FOCAD: variants seen among roughly 807,000 people sequenced by gnomAD.
FOCAD encodes focadhesin.
Under a neutral mutation model 225.6 loss-of-function variants are expected in FOCAD, and 198 were observed. That is an observed-to-expected ratio of 0.88 (90% CI 0.78 to 0.99). The LOEUF (loss-of-function observed/expected upper bound fraction) is 0.99, where lower values mean the gene tolerates loss of function less well. Among genes scored for constraint, FOCAD ranks in the 50% least tolerant of loss-of-function variants. FOCAD has a pLI of 0.00. For missense variants in FOCAD, 2,713 were observed against 2,123.6 expected (o/e 1.28, Z -5.46); for synonymous variants, 897 against 755.0 (o/e 1.19, Z -3.08).
At chr9:20,935,058 C>A (rs1835828880) in intron 28 of FOCAD, among the ~76,000 whole-genome samples, 1 of 152,130 alleles carries the variant, frequency 6.6e-6, no homozygotes, top group Non-Finnish European at 1.5e-5. Context: ...AAGCAGTCTA[C>A]ACATTCAGTG....
At chr9:20,961,217 C>A (rs923000852) in intron 35 of FOCAD, among the ~76,000 whole-genome samples, 3 of 151,878 alleles carry the variant, frequency 2.0e-5, no homozygotes, top group African/African-American at 7.3e-5. Context: ...CTCCCTCTCT[C>A]TCTCTGTGTT....
At chr9:20,921,394 G>A (rs540608349) in intron 24 of FOCAD, among the ~76,000 whole-genome samples, 1 of 152,176 alleles carries the variant, frequency 6.6e-6, no homozygotes, top group Non-Finnish European at 1.5e-5. Context: ...ATGCAAATTA[G>A]TCTCTCTTGT....
intron 39 of FOCAD, among the ~76,000 whole-genome samples, chr9:20,984,495 C>T (rs911797488): frequency 5.3e-5 from 8 of 151,942 alleles, no homozygotes; most frequent in Non-Finnish European, 1.2e-4. Context: ...TAATAAGAAA[C>T]CCATTATATA....
chr9:20,946,954 C>T (rs1437224186), intron 30 of FOCAD, 134 bp downstream of exon 30: 3 of 1,082,210 alleles, frequency 2.8e-6, no homozygotes. Flanking sequence ...TAACTATTCT[C>T]TTTTCTCACA....
chr9:20,769,987 T>C (rs749458393), intron 7 of FOCAD, 45 bp from the exon 8 acceptor site: 1 of 1,519,240 alleles, frequency 6.6e-7, no homozygotes, highest in Admixed American at 1.8e-5. Flanking sequence ...AATTATCTTT[T>C]GGTTTGTGTA....
At chr9:20,656,627 T>C (rs1297789560), upstream of FOCAD, among the ~76,000 whole-genome samples, 1 of 152,044 alleles carries the variant, frequency 6.6e-6, no homozygotes, top group Non-Finnish European at 1.5e-5. Flanking sequence ...TTCCATTTGC[T>C]TGGTAGAGCT....
At chr9:20,733,469 T>C (rs1484704170) in intron 4 of FOCAD, among the ~76,000 whole-genome samples, 1 of 152,162 alleles carries the variant, frequency 6.6e-6, no homozygotes, top group Non-Finnish European at 1.5e-5. Context: ...ACTCCTCTTT[T>C]AGCATTAGGT....
intron 11 of FOCAD, among the ~76,000 whole-genome samples, chr9:20,812,250 C>T (rs1056209861): frequency 6.6e-6 from 1 of 151,838 alleles, no homozygotes; most frequent in African/African-American, 2.4e-5. Flanking sequence ...ATAACTTTTT[C>T]TATTTATACT....
chr9:20,872,561 C>T (rs1829880387), intron 18 of FOCAD, among the ~76,000 whole-genome samples: 1 of 145,728 alleles, frequency 6.9e-6, no homozygotes, highest in Non-Finnish European at 1.5e-5. Flanking sequence ...TGCATGCCTA[C>T]ATACCTTCCT....
intron 14 of FOCAD, 67 bp downstream of exon 14, chr9:20,821,138 G>T: frequency 1.4e-6 from 2 of 1,462,390 alleles, no homozygotes; most frequent in Non-Finnish European, 1.8e-6. Flanking sequence ...TTTTTTAATT[G>T]CAAGCAAGAG....
chr9:20,817,727 A>G (rs1347956462), intron 11 of FOCAD, among the ~76,000 whole-genome samples: 1 of 151,126 alleles, frequency 6.6e-6, no homozygotes, highest in Non-Finnish European at 1.5e-5. Flanking sequence ...TACTTTATTT[A>G]TTTTTATGGC....
intron 15 of FOCAD, among the ~76,000 whole-genome samples, chr9:20,826,584 C>A (rs1485585545): frequency 2.0e-5 from 3 of 152,034 alleles, no homozygotes; most frequent in East Asian, 1.9e-4. Flanking sequence ...AATAAACTTC[C>A]CTTCATACAT....
At chr9:20,672,517 C>A (rs1822095722) in intron 2 of FOCAD, among the ~76,000 whole-genome samples, 1 of 152,230 alleles carries the variant, frequency 6.6e-6, no homozygotes, top group Non-Finnish European at 1.5e-5. Context: ...GTGGCGCAAT[C>A]TAGGCTCACT....
intron 1 of FOCAD, among the ~76,000 whole-genome samples, chr9:20,692,416 C>G (rs1000798089): frequency 1.3e-5 from 2 of 152,154 alleles, no homozygotes; most frequent in African/African-American, 4.8e-5. Context: ...TCACCCTAGT[C>G]TAAGCCCCCG....
At chr9:20,906,647 T>C (rs1018974972) in intron 21 of FOCAD, among the ~76,000 whole-genome samples, 1 of 152,122 alleles carries the variant, frequency 6.6e-6, no homozygotes, top group African/African-American at 2.4e-5. Context: ...AATTGCTGTG[T>C]GCAGTACTCA....
At chr9:20,883,478 T>G (rs1418118870) in intron 20 of FOCAD, among the ~76,000 whole-genome samples, 1 of 152,140 alleles carries the variant, frequency 6.6e-6, no homozygotes, top group African/African-American at 2.4e-5. Context: ...CATGGAAAAT[T>G]TACCAAAATG....
At chr9:20,769,592 T>A (rs546770950) in intron 7 of FOCAD, among the ~76,000 whole-genome samples, 1 of 152,248 alleles carries the variant, frequency 6.6e-6, no homozygotes, top group South Asian at 2.1e-4. Flanking sequence ...CCTGAGCAAG[T>A]ATCTTGCAGA....
At chr9:20,675,694 A>G (rs1587195581) in intron 2 of FOCAD, among the ~76,000 whole-genome samples, 1 of 152,244 alleles carries the variant, frequency 6.6e-6, no homozygotes, top group African/African-American at 2.4e-5. Flanking sequence ...ATCATGTTTG[A>G]TCACAGCAGC....
At chr9:20,755,692 G>A (rs1400901697) in intron 5 of FOCAD, among the ~76,000 whole-genome samples, 1 of 152,136 alleles carries the variant, frequency 6.6e-6, no homozygotes, top group Non-Finnish European at 1.5e-5. Flanking sequence ...AAGATTAATG[G>A]ATGATTATAT....
Sources: allele counts gnomAD v4.1 joint callset (sites outside exome capture counted in the v4.1 genomes callset), GRCh38; gene constraint gnomAD v4.1.1; transcripts MANE v1.5; gene names NCBI Gene and HGNC (gene_info 2026-07-23, HGNC 2026-07-21).